The following C9orf50 variants were observed in gnomAD, a reference collection of about 807,000 sequenced individuals.
The protein encoded by C9orf50 is uncharacterized protein C9orf50.
A neutral mutation model predicts 42.5 loss-of-function variants in C9orf50; 33 were observed. The observed-to-expected ratio is 0.78, with a 90% CI of 0.59 to 1.04. The LOEUF is 1.04. Among genes scored for constraint, C9orf50 ranks in the 50% least tolerant of loss-of-function variants. The pLI is 0.00. For missense variants in C9orf50, 547 were observed against 594.3 expected (o/e 0.92, Z 0.83); for synonymous variants, 257 against 273.4 (o/e 0.94, Z 0.59).
At chr9:129,615,270 A>G (rs114400435) in intron 4 of C9orf50, among the ~76,000 whole-genome samples, 4 of 152,266 alleles carry the variant, frequency 2.6e-5, no homozygotes, top group East Asian at 3.9e-4. Flanking sequence ...CTGCGTTGGA[A>G]CACCTCCACT....
intron 3 of C9orf50, among the ~76,000 whole-genome samples, chr9:129,619,003 C>T (rs1359214116): frequency 6.6e-6 from 1 of 151,508 alleles, no homozygotes; most frequent in Admixed American, 6.6e-5. Flanking sequence ...TGTGAGCCAC[C>T]GTGCCCTGCC....
At chr9:129,621,441 C>T (rs1430218068), upstream of C9orf50, among the ~76,000 whole-genome samples, 1 of 152,242 alleles carries the variant, frequency 6.6e-6, no homozygotes, top group Non-Finnish European at 1.5e-5. Context: ...ACTGCAGCCT[C>T]AAATTCTTGG....
At position 129,620,056 on chromosome 9, in the gene C9orf50, CG is replaced by C; in HGVS notation, c.508+10del. Reference sequence around the variant, plus strand: ...ACTCGGGCCCGCCCCCCGGGCCCCGCGGGGCCTCACTCAGTGGCTCCGGCTC... The same window carrying C: ...ACTCGGGCCCGCCCCCCGGGCCCCGCGGGCCTCACTCAGTGGCTCCGGCTC... On this transcript the variant is annotated intron_variant, in intron 1 of 6. Transcript: ENST00000372478. The surrounding 1 kb of genome is among the most constrained non-coding windows in gnomAD (Gnocchi z 5.8). The C allele has an allele frequency of 6.9e-7, 1 of 1,453,956 alleles. No individual in the cohort carries two copies. Among genetic ancestry groups the C allele is most frequent in the South Asian group, 1.5e-5 (1 of 68,326 alleles). The allele number at this position is 1,453,956 out of a possible 1,614,324, so 90.1% of individuals were successfully genotyped here.
rs1326258404 is a variant in C9orf50, at chr9:129,614,888, T to C, written c.880+596A>G. Among the ~76,000 whole-genome samples, 1 of 149,378 alleles carries C rather than the reference T, an allele frequency of 6.7e-6. No homozygotes were observed. The highest frequency in any genetic ancestry group is 6.7e-5 in the Admixed American group (1 of 14,936). On this transcript the variant is annotated intron_variant, in intron 4 of 6. Coordinates refer to ENST00000372478, the Ensembl canonical transcript of C9orf50. The surrounding 1 kb of genome is among the most constrained non-coding windows in gnomAD (Gnocchi z 4.4). ...CTGCACTCCAGCCTGGGCGACAGAG[T>C]GAGACTCCGTATCAGAAAAAAAAAA...
At chr9:129,621,041 A>G (rs1041975403), upstream of C9orf50, among the ~76,000 whole-genome samples, 1 of 151,780 alleles carries the variant, frequency 6.6e-6, no homozygotes, top group Non-Finnish European at 1.5e-5. Context: ...GAATGGGGAT[A>G]ATAGCAGCAC....
chr9:129,620,396 G>A lies in C9orf50; in HGVS notation c.179C>T (p.Ala60Val), dbSNP rs13302395. The change falls in exon 1 of 7, where the codon GCG becomes GTG. Residue 60 changes from alanine (A) to valine (V), a missense_variant. Ala to Val is a moderately conservative substitution (Grantham distance 64). Coordinates refer to ENST00000372478, the Ensembl canonical transcript of C9orf50. The surrounding 1 kb of genome is among the most constrained non-coding windows in gnomAD (Gnocchi z 5.8). ...CTTGGCGTCCCCTTCCGGCCACCAC[G>A]CGGCGCCGCCCCCCGGGATCCTCCA... is the stretch of plus-strand genomic sequence containing the variant. The A allele has an allele frequency of 3.3e-6, 4 of 1,230,006 alleles. No homozygotes were observed. Among genetic ancestry groups the A allele is most frequent in the Admixed American group, 8.6e-5 (2 of 23,354 alleles). 76.2% of individuals were successfully genotyped at this position (1,230,006 alleles called of 1,614,324 possible).
chr9:129,614,235 G>A lies in C9orf50; in HGVS notation c.881-638C>T, dbSNP rs1335261442. Among the ~76,000 whole-genome samples the A allele has an allele frequency of 2.6e-5, 4 of 152,134 alleles. No individual in the cohort carries two copies. The highest frequency in any genetic ancestry group is 5.9e-5 in the Non-Finnish European group (4 of 68,036). The stretch of plus-strand genomic sequence containing the variant: ...CTCTGGCTTCTATATGTGGCTCTGC[G>A]TCACCCACACAAGCCCATCCTGCTT... On this transcript the variant is annotated intron_variant, in intron 4 of 6. Transcript: ENST00000372478. The surrounding 1 kb of genome is among the most constrained non-coding windows in gnomAD (Gnocchi z 4.4).
rs949397830 is a variant in C9orf50 at position 129,620,664 on chromosome 9, C to T, written c.-90G>A. ...GGGGAGGGCATAGTCCAGCCCCAGG[C>T]CATAGTGCCCCGGGCGGGGCAGCGC... On this transcript the variant is annotated 5_prime_UTR_variant, in exon 1 of 7. Coordinates refer to ENST00000372478, the Ensembl canonical transcript of C9orf50. The surrounding 1 kb of genome is among the most constrained non-coding windows in gnomAD (Gnocchi z 5.8). 8.5e-6 allele frequency: 10 copies of T among 1,171,728 alleles called. No individual in the cohort carries two copies. In the African/African-American group the frequency reaches 1.4e-4, roughly 17 times the overall value. The allele number at this position is 1,171,728 out of a possible 1,614,324, so 72.6% of individuals were successfully genotyped here.
At position 129,620,404 on chromosome 9, in the gene C9orf50, G is replaced by GC. The variant is rs1423916757; in HGVS notation, c.170dup (p.Gly58ArgfsTer96). On this transcript the variant is annotated frameshift_variant, in exon 1 of 7. Coordinates refer to ENST00000372478, the Ensembl canonical transcript of C9orf50. LOFTEE classifies it high-confidence loss of function. The surrounding 1 kb of genome is among the most constrained non-coding windows in gnomAD (Gnocchi z 5.8). ...CCCCTTCCGGCCACCACGCGGCGCC[G>GC]CCCCCCGGGATCCTCCAGTCCCCGG... The GC allele has an allele frequency of 5.7e-6, 7 of 1,236,236 alleles. No individual in the cohort carries two copies. The highest frequency in any genetic ancestry group is 6.4e-5 in the East Asian group (2 of 31,472). The allele number at this position is 1,236,236 out of a possible 1,614,324, so 76.6% of individuals were successfully genotyped here. A position where few individuals can be genotyped will look rare whatever the true frequency, so the allele number is the denominator to read the frequency against.
Position 129,613,607 on chromosome 9 carries a change from A to G in C9orf50, c.881-10T>C. ...ATGACGCTCTGTTGGACTGCAGGAA[A>G]GAGGGCAGGGTGAGATCTCTGCCCA... On this transcript the variant is annotated splice_polypyrimidine_tract_variant and intron_variant, in intron 4 of 6. Coordinates refer to ENST00000372478, the Ensembl canonical transcript of C9orf50. The surrounding 1 kb of genome is among the most constrained non-coding windows in gnomAD (Gnocchi z 6.2). The G allele has an allele frequency of 6.2e-7, 1 of 1,614,040 alleles. No individual in the cohort carries two copies. The highest frequency in any genetic ancestry group is 2.2e-5 in the East Asian group (1 of 44,872).
At position 129,613,464 on chromosome 9, in the gene C9orf50, G is replaced by C. The variant is rs1473360629; in HGVS notation, c.1014C>G (p.Ala338=). The change falls in exon 5 of 7, where the codon GCC becomes GCG. Residue 338 remains alanine, a synonymous_variant. Transcript: ENST00000372478. The surrounding 1 kb of genome is among the most constrained non-coding windows in gnomAD (Gnocchi z 6.2). ...CAGCGCAGTCCCAACACGAGGAGCT[G>C]GCCAGGGTCTCCTCCTTGGCCCCAG... 1.2e-6 allele frequency: 2 copies of C among 1,614,072 alleles called. No individual in the cohort carries two copies. Among genetic ancestry groups the C allele is most frequent in the East Asian group, 2.2e-5 (1 of 44,876 alleles).
Position 129,615,473 on chromosome 9 carries a change from T to C in C9orf50, c.880+11A>G. The C allele has an allele frequency of 1.9e-6, 3 of 1,571,708 alleles. No homozygotes were observed. Among genetic ancestry groups the C allele is most frequent in the South Asian group, 1.2e-5 (1 of 85,452 alleles). On this transcript the variant is annotated intron_variant, in intron 4 of 6. Transcript: ENST00000372478. ...TCGGGAGTCTCGAGGCTCCCCATCCTGTCTGCTTACCTGAGCGTCTGCGCT... is the reference window on the plus strand; with the variant it reads ...TCGGGAGTCTCGAGGCTCCCCATCCCGTCTGCTTACCTGAGCGTCTGCGCT...
intron 3 of C9orf50, 23 bp downstream of exon 3, chr9:129,619,496 AC>A: frequency 6.4e-7 from 1 of 1,554,712 alleles, no homozygotes. Context: ...CCACTACCCT[AC>A]CCTTATCCCG....
At chr9:129,612,303 A>C (rs1312875805) in exon 7 of C9orf50, 1 of 1,531,914 alleles carries the variant, frequency 6.5e-7, no homozygotes, top group African/African-American at 1.4e-5. Context: ...GACGCTCCTC[A>C]TTGCCTGGCC....
intron 3 of C9orf50, among the ~76,000 whole-genome samples, chr9:129,618,276 A>T (rs995182883): frequency 6.6e-6 from 1 of 152,166 alleles, no homozygotes; most frequent in Non-Finnish European, 1.5e-5. Context: ...GTCTAGGCCC[A>T]GGTAGGTTCC....
chr9:129,613,610 G>A lies in C9orf50; in HGVS notation c.881-13C>T. 2 of 1,613,982 alleles carry A rather than the reference G, an allele frequency of 1.2e-6. No individual in the cohort carries two copies. Among genetic ancestry groups the A allele is most frequent in the Non-Finnish European group, 1.7e-6 (2 of 1,179,990 alleles). On this transcript the variant is annotated splice_polypyrimidine_tract_variant and intron_variant, in intron 4 of 6. Coordinates refer to ENST00000372478, the Ensembl canonical transcript of C9orf50. The surrounding 1 kb of genome is among the most constrained non-coding windows in gnomAD (Gnocchi z 6.2). ...ACGCTCTGTTGGACTGCAGGAAAGAGGGCAGGGTGAGATCTCTGCCCAGGA... is the reference window on the plus strand; with the variant it reads ...ACGCTCTGTTGGACTGCAGGAAAGAAGGCAGGGTGAGATCTCTGCCCAGGA...
chr9:129,615,647 G>C, exon 4 of C9orf50: 1 of 1,551,964 alleles, frequency 6.4e-7, no homozygotes, highest in Non-Finnish European at 8.7e-7. Flanking sequence ...CGTGGGGCCT[G>C]CTGAGAGAGG....
At chr9:129,619,823 T>C (rs1308351767) in exon 2 of C9orf50, 2 of 1,614,078 alleles carry the variant, frequency 1.2e-6, no homozygotes, top group Admixed American at 1.7e-5. Flanking sequence ...GTTGCGGTGC[T>C]GGGGATGCTG....
chr9:129,620,549 C>A lies in C9orf50; in HGVS notation c.26G>T (p.Gly9Val). The change falls in exon 1 of 7, where the codon GGG (glycine) becomes GTG (valine). Residue 9 changes from glycine (G) to valine (V), a missense_variant. By Grantham distance (109) the Gly-to-Val change is moderately radical. This residue lies in a region of C9orf50 where 105 missense variants were observed against 98.5 expected (regional missense o/e 1.07). Coordinates refer to ENST00000372478, the Ensembl canonical transcript of C9orf50. This position sits in a 1 kb window ranked among gnomAD's most constrained non-coding sequence, Gnocchi z 5.8. ...CCCCTTGGGCGCCAGGTCCTGGGCC[C>A]CTGGGCGAAGTCGACGCCAGAACAT... 7.1e-7 allele frequency: 1 copy of A among 1,400,400 alleles called. No individual in the cohort carries two copies. The highest frequency in any genetic ancestry group is 1.6e-5 in the South Asian group (1 of 63,932). 86.7% of individuals were successfully genotyped at this position (1,400,400 alleles called of 1,614,324 possible).
Sources: allele counts gnomAD v4.1 joint callset (sites outside exome capture counted in the v4.1 genomes callset), GRCh38; gene constraint gnomAD v4.1.1; regional missense constraint gnomAD v4.1.1; non-coding constraint Gnocchi (gnomAD v3.1); transcripts MANE v1.5; gene names NCBI Gene and HGNC (gene_info 2026-07-23, HGNC 2026-07-21).